The following CYSLTR2 variants were observed in gnomAD, a reference collection of about 807,000 sequenced individuals.
The protein encoded by CYSLTR2 is G-protein coupled receptor GPCR21.
For missense variants in CYSLTR2, 398 were observed against 411.9 expected, an observed-to-expected ratio of 0.97 and a Z score of 0.29; for synonymous variants, 179 against 160.8, an observed-to-expected ratio of 1.11 and a Z score of -0.86.
At chr13:48,680,800 CTTTTTTTT>C (rs139896583) in intron 1 of CYSLTR2, among the ~76,000 whole-genome samples, 10 of 55,048 alleles carry the variant, frequency 1.8e-4, no homozygotes, top group Non-Finnish European at 3.1e-4. Context: ...CTTTTCTTTT[CTTTTTTTT>C]TTTTTTTTTT....
rs201965961 is a variant in CYSLTR2 at position 48,708,047 on chromosome 13, A to T, written c.*189A>T. The T allele has an allele frequency of 2.0e-6, 1 of 494,122 alleles. No homozygotes were observed. The highest frequency in any genetic ancestry group is 3.5e-6 in the Non-Finnish European group (1 of 283,700). 30.6% of individuals were successfully genotyped at this position (494,122 alleles called of 1,614,324 possible). A position where few individuals can be genotyped will look rare whatever the true frequency, so the allele number is the denominator to read the frequency against. On this transcript the variant is annotated 3_prime_UTR_variant, in exon 5 of 5. Coordinates refer to ENST00000682523, the MANE Select transcript of CYSLTR2 (RefSeq NM_001308476.3). ...GTGTATTTTCAGTTGTTGAGTCTTA[A>T]TGAGGGATACAGGAGGAAAAATCCC...
rs572879177 is a variant in CYSLTR2 at position 48,702,096 on chromosome 13, T to C, written c.-1-4721T>C. The stretch of plus-strand genomic sequence containing the variant: ...CTATGCAGCCATAAAAAAGGATGAG[T>C]TCATGTCCTTTGTAGGGACATGAAT... On this transcript the variant is annotated intron_variant, in intron 4 of 4. Transcript: ENST00000682523. Among the ~76,000 whole-genome samples, 135 of 151,750 alleles carry C rather than the reference T, an allele frequency of 8.9e-4. 1 individual carries two copies. Among genetic ancestry groups the C allele is most frequent in the Admixed American group, 4.0e-3 (61 of 15,268 alleles).
At chr13:48,679,503 A>G (rs1254010035) in intron 1 of CYSLTR2, among the ~76,000 whole-genome samples, 1 of 152,188 alleles carries the variant, frequency 6.6e-6, no homozygotes, top group Non-Finnish European at 1.5e-5. Context: ...ACATCCTACC[A>G]CTAACTTGCA....
intron 1 of CYSLTR2, among the ~76,000 whole-genome samples, chr13:48,666,915 G>T (rs1167898548): frequency 1.3e-5 from 2 of 151,990 alleles, no homozygotes; most frequent in Admixed American, 1.3e-4. Flanking sequence ...CCTATGATTT[G>T]GGTCTGTTAC....
intron 1 of CYSLTR2, among the ~76,000 whole-genome samples, chr13:48,680,517 C>T (rs949530742): frequency 5.3e-5 from 8 of 152,176 alleles, no homozygotes; most frequent in African/African-American, 1.7e-4. Flanking sequence ...CTGCTGCTCC[C>T]TGTCCCTTCT....
chr13:48,688,396 A>T (rs1205167587), intron 1 of CYSLTR2, among the ~76,000 whole-genome samples: 1 of 152,118 alleles, frequency 6.6e-6, no homozygotes, highest in African/African-American at 2.4e-5. Flanking sequence ...TCCTAAGGCT[A>T]TCCGTCCTCT....
chr13:48,693,532 CAG>C (rs759993224), intron 3 of CYSLTR2, 22 bp downstream of exon 3: 2 of 144,824 alleles, frequency 1.4e-5, no homozygotes, highest in Non-Finnish European at 3.0e-5. Flanking sequence ...TTTCTGAAGA[CAG>C]GGGAAAAGAG....
At chr13:48,685,786 C>T (rs1953880977) in intron 1 of CYSLTR2, among the ~76,000 whole-genome samples, 1 of 152,070 alleles carries the variant, frequency 6.6e-6, no homozygotes, top group Admixed American at 6.6e-5. Flanking sequence ...TCATCATTCC[C>T]CCAAGTCTGA....
At chr13:48,706,794 G>A (rs1441455494) in intron 4 of CYSLTR2, 23 bp from the exon 5 acceptor site, 2 of 1,567,944 alleles carry the variant, frequency 1.3e-6, no homozygotes, top group Non-Finnish European at 1.7e-6. Flanking sequence ...GTAACTTTTT[G>A]TGTCTGTTTC....
intron 3 of CYSLTR2, among the ~76,000 whole-genome samples, chr13:48,695,409 C>CTT (rs1201715731): frequency 1.4e-5 from 2 of 145,178 alleles, no homozygotes; most frequent in African/African-American, 2.6e-5. Flanking sequence ...CTCTCTCTTT[C>CTT]TCTCTCTCTC....
intron 1 of CYSLTR2, among the ~76,000 whole-genome samples, chr13:48,668,260 GA>G (rs1037186030): frequency 2.0e-5 from 3 of 151,998 alleles, no homozygotes; most frequent in African/African-American, 7.2e-5. Context: ...AGACCCACGG[GA>G]AATGTCAGTT....
intron 1 of CYSLTR2, among the ~76,000 whole-genome samples, chr13:48,662,564 T>C (rs1953157168): frequency 6.6e-6 from 1 of 152,218 alleles, no homozygotes. Context: ...GGTGAGATGA[T>C]ACCTCATCGT....
In CYSLTR2 at chr13:48,703,187, T is replaced by TTG. The variant is rs142158928; in HGVS notation, c.-1-3621_-1-3620dup. 8.7e-3 allele frequency among the ~76,000 whole-genome samples: 1,318 copies of TTG among 152,256 alleles called. 8 individuals are homozygous for TTG. The highest frequency in any genetic ancestry group is 0.012 in the Non-Finnish European group (833 of 67,980). The stretch of plus-strand genomic sequence containing the variant: ...TAGCTCTATGAGATTTTTGTTTTCT[T>TTG]TGTGTGTGTGCACGTATGTGTATGT... On this transcript the variant is annotated intron_variant, in intron 4 of 4. Transcript: ENST00000682523.
chr13:48,687,505 A>G (rs1953926272), intron 1 of CYSLTR2, among the ~76,000 whole-genome samples: 1 of 152,142 alleles, frequency 6.6e-6, no homozygotes. Context: ...TCTATAATCT[A>G]TCATCTATCA....
intron 1 of CYSLTR2, among the ~76,000 whole-genome samples, chr13:48,679,227 C>T (rs984337455): frequency 6.6e-6 from 1 of 152,084 alleles, no homozygotes; most frequent in Admixed American, 6.6e-5. Flanking sequence ...TCTCTCTCCC[C>T]CAGAACCTTA....
chr13:48,669,946 C>T (rs536256501), intron 1 of CYSLTR2, among the ~76,000 whole-genome samples: 1 of 152,208 alleles, frequency 6.6e-6, no homozygotes, highest in East Asian at 1.9e-4. Flanking sequence ...TCTGTTGCTT[C>T]CTGACTTTTC....
At chr13:48,704,353 T>G (rs189421052) in intron 4 of CYSLTR2, among the ~76,000 whole-genome samples, 1 of 152,238 alleles carries the variant, frequency 6.6e-6, no homozygotes, top group East Asian at 1.9e-4. Context: ...AGATACAGCA[T>G]CTCTACAAAA....
At chr13:48,689,930 T>G (rs1666581543) in intron 1 of CYSLTR2, among the ~76,000 whole-genome samples, 1 of 152,226 alleles carries the variant, frequency 6.6e-6, no homozygotes, top group South Asian at 2.1e-4. Flanking sequence ...TCTTATTTCC[T>G]TGAGCAGTGG....
chr13:48,690,793 C>T (rs2138938447), intron 1 of CYSLTR2, among the ~76,000 whole-genome samples: 1 of 152,262 alleles, frequency 6.6e-6, no homozygotes, highest in African/African-American at 2.4e-5. Flanking sequence ...AGGAGTCCCT[C>T]TTTTTCTATT....
Sources: gnomAD v4.1 joint callset for allele counts (sites outside exome capture counted in the v4.1 genomes callset) on GRCh38, gnomAD v4.1.1 for gene constraint, MANE v1.5 for transcripts, NCBI Gene and HGNC (gene_info 2026-07-23, HGNC 2026-07-21) for gene names.